MIPOL1: variants seen among roughly 807,000 people sequenced by gnomAD.
MIPOL1 encodes the protein mirror-image polydactyly gene 1 protein.
Under a neutral mutation model 60.9 loss-of-function variants are expected in MIPOL1, and 57 were observed. The ratio of observed to expected loss-of-function variants is 0.94; its 90% confidence interval spans 0.76 to 1.17. The LOEUF is 1.17. Among genes scored for constraint, MIPOL1 ranks in the 50% most tolerant of loss-of-function variants. The probability of loss-of-function intolerance (pLI) is 0.00; values close to 1 mark genes in which losing one functional copy is unlikely to be tolerated. For synonymous variants in MIPOL1, 179 were observed against 168.8 expected, an observed-to-expected ratio of 1.06 and a Z score of -0.47; for missense variants, 551 against 511.6, an observed-to-expected ratio of 1.08 and a Z score of -0.74.
intron 10 of MIPOL1, among the ~76,000 whole-genome samples, chr14:37,405,232 T>C (rs553933878): frequency 1.3e-5 from 2 of 152,282 alleles, no homozygotes; most frequent in African/African-American, 4.8e-5. Flanking sequence ...GTCTGAAGCA[T>C]CCAAAAGGAA....
chr14:37,441,663 A>T (rs183642846), intron 11 of MIPOL1, among the ~76,000 whole-genome samples: 2 of 151,864 alleles, frequency 1.3e-5, no homozygotes, highest in East Asian at 3.9e-4. Context: ...AAGTCAAGTA[A>T]CATAATATAC....
chr14:37,206,553 G>A (rs1396489954), intron 1 of MIPOL1, among the ~76,000 whole-genome samples: 1 of 152,198 alleles, frequency 6.6e-6, no homozygotes, highest in Admixed American at 6.5e-5. Context: ...TAGTGGAACT[G>A]TGAGAAGGGG....
intron 1 of MIPOL1, among the ~76,000 whole-genome samples, chr14:37,206,974 A>T (rs1966193513): frequency 6.6e-6 from 1 of 152,156 alleles, no homozygotes; most frequent in South Asian, 2.1e-4. Context: ...CTTGGATGAG[A>T]CTTAGGGCTG....
chr14:37,303,144 A>G (rs191219848), intron 7 of MIPOL1, among the ~76,000 whole-genome samples: 21 of 152,000 alleles, frequency 1.4e-4, no homozygotes, highest in Admixed American at 1.2e-3. Context: ...AAGACAACAA[A>G]TCAATTTTTC....
chr14:37,453,555 C>A (rs1054450545), intron 11 of MIPOL1, among the ~76,000 whole-genome samples: 5 of 151,932 alleles, frequency 3.3e-5, no homozygotes, highest in Non-Finnish European at 7.4e-5. Context: ...AATTATTTGA[C>A]CTGTTTAGCT....
At chr14:37,384,482 T>C (rs1161664840) in intron 10 of MIPOL1, among the ~76,000 whole-genome samples, 1 of 151,912 alleles carries the variant, frequency 6.6e-6, no homozygotes, top group Non-Finnish European at 1.5e-5. Context: ...GACATCTCTT[T>C]ATTTAAAGCT....
chr14:37,390,142 C>T (rs2093195659), intron 10 of MIPOL1, among the ~76,000 whole-genome samples: 1 of 151,920 alleles, frequency 6.6e-6, no homozygotes, highest in Non-Finnish European at 1.5e-5. Context: ...TCACTTGAAC[C>T]TAGGAGGTGG....
At chr14:37,255,595 A>G (rs1974792601) in intron 3 of MIPOL1, among the ~76,000 whole-genome samples, 1 of 151,648 alleles carries the variant, frequency 6.6e-6, no homozygotes, top group South Asian at 2.1e-4. Flanking sequence ...GTAGGACGTT[A>G]TTATCTTTTT....
intron 10 of MIPOL1, among the ~76,000 whole-genome samples, chr14:37,371,396 A>G (rs1256850555): frequency 6.6e-6 from 1 of 152,164 alleles, no homozygotes; most frequent in Admixed American, 6.6e-5. Flanking sequence ...TGCTAACTGA[A>G]GACTACTATC....
At chr14:37,242,765 C>A (rs1173715301) in intron 1 of MIPOL1, among the ~76,000 whole-genome samples, 2 of 152,094 alleles carry the variant, frequency 1.3e-5, no homozygotes, top group Non-Finnish European at 2.9e-5. Context: ...ATGTAAGTTA[C>A]TGAGATATAT....
chr14:37,535,606 A>G (rs370254054), intron 12 of MIPOL1, among the ~76,000 whole-genome samples: 1 of 152,192 alleles, frequency 6.6e-6, no homozygotes, highest in East Asian at 1.9e-4. Flanking sequence ...CTATATTATA[A>G]CTTGCTATGG....
chr14:37,535,309 C>A (rs1254107879), intron 12 of MIPOL1, among the ~76,000 whole-genome samples: 1 of 152,102 alleles, frequency 6.6e-6, no homozygotes, highest in East Asian at 1.9e-4. Flanking sequence ...TATATCTAAT[C>A]TAAGGACAGT....
In MIPOL1 at chr14:37,253,259, A is replaced by G. The variant is rs567768207; in HGVS notation, c.19+5352A>G. Among the ~76,000 whole-genome samples, 9 of 151,942 alleles carry G rather than the reference A, an allele frequency of 5.9e-5. No homozygotes were observed. The South Asian group carries it at 1.9e-3, about 31-fold the overall frequency. On this transcript the variant is annotated intron_variant, in intron 3 of 12. Coordinates refer to ENST00000684589, the MANE Select transcript of MIPOL1 (RefSeq NM_001388067.1). ...AGGTTTGGAGCTAAACATAAGTTTT[A>G]ATTTTTAAATCTTTCACTTACTACC...
At chr14:37,234,937 G>A (rs776648108) in intron 1 of MIPOL1, among the ~76,000 whole-genome samples, 1 of 147,534 alleles carries the variant, frequency 6.8e-6, no homozygotes, top group Non-Finnish European at 1.5e-5. Flanking sequence ...CACCACGTAC[G>A]GCTAATTTTT....
intron 11 of MIPOL1, among the ~76,000 whole-genome samples, chr14:37,441,163 A>C (rs1194089417): frequency 6.6e-6 from 1 of 152,054 alleles, no homozygotes; most frequent in African/African-American, 2.4e-5. Flanking sequence ...ATATTTTTCA[A>C]ATATTTTCTC....
At chr14:37,518,389 C>T (rs1292744147) in intron 12 of MIPOL1, among the ~76,000 whole-genome samples, 1 of 152,194 alleles carries the variant, frequency 6.6e-6, no homozygotes, top group African/African-American at 2.4e-5. Context: ...CTCTGGAGTG[C>T]AGTGGCGGGA....
At chr14:37,344,377 A>T (rs60687248) in intron 9 of MIPOL1, among the ~76,000 whole-genome samples, 12,948 of 151,858 alleles carry the variant, frequency 0.085, 842 homozygotes, top group East Asian at 0.32. Flanking sequence ...TTTTCATTGC[A>T]TCTCTGTAGT....
intron 9 of MIPOL1, among the ~76,000 whole-genome samples, chr14:37,358,424 A>G (rs2091993632): frequency 1.3e-5 from 2 of 152,224 alleles, no homozygotes; most frequent in South Asian, 2.1e-4. Context: ...ACTGTCTTCC[A>G]CAATGGTTGA....
intron 12 of MIPOL1, among the ~76,000 whole-genome samples, chr14:37,537,163 A>C (rs558419307): frequency 6.6e-6 from 1 of 152,302 alleles, no homozygotes; most frequent in Admixed American, 6.5e-5. Flanking sequence ...TGAAGTAGGT[A>C]GTAAGAGGGC....
Sources: allele counts gnomAD v4.1 joint callset (sites outside exome capture counted in the v4.1 genomes callset), GRCh38; gene constraint gnomAD v4.1.1; transcripts MANE v1.5; gene names NCBI Gene and HGNC (gene_info 2026-07-23, HGNC 2026-07-21).